ZBTB38: variants seen among roughly 807,000 people sequenced by gnomAD.
ZBTB38 encodes zinc finger and BTB domain containing 38.
ZBTB38 carries 20 observed loss-of-function variants against 76.8 expected under a neutral mutation model. The observed-to-expected ratio is 0.26, with a 90% CI of 0.18 to 0.38. The LOEUF is 0.38. ZBTB38 is among the 10% of genes least tolerant of loss of function. The pLI is 1.00. For missense variants in ZBTB38, 1,082 were observed against 1,482.3 expected, an observed-to-expected ratio of 0.73 and a Z score of 4.43; for synonymous variants, 504 against 544.2, an observed-to-expected ratio of 0.93 and a Z score of 1.03.
At chr3:141,326,184 T>G (rs552723366) in intron 1 of ZBTB38, among the ~76,000 whole-genome samples, 1 of 152,282 alleles carries the variant, frequency 6.6e-6, no homozygotes, top group East Asian at 1.9e-4. Context: ...GACATACTGG[T>G]AGAGAAGAAA....
intron 3 of ZBTB38, among the ~76,000 whole-genome samples, chr3:141,382,504 T>A (rs1263366376): frequency 6.6e-6 from 1 of 152,176 alleles, no homozygotes; most frequent in African/African-American, 2.4e-5. Context: ...TAGACTCCAC[T>A]AGGTTTTAAT....
chr3:141,391,836 G>T (rs1199221441), intron 4 of ZBTB38, among the ~76,000 whole-genome samples: 1 of 152,182 alleles, frequency 6.6e-6, no homozygotes, highest in Non-Finnish European at 1.5e-5. Context: ...CCTCCCATCA[G>T]AGTGAAGTTT....
intron 5 of ZBTB38, among the ~76,000 whole-genome samples, chr3:141,406,583 A>T (rs955484107): frequency 1.3e-5 from 2 of 152,188 alleles, no homozygotes; most frequent in African/African-American, 2.4e-5. Context: ...CTCCACAAGA[A>T]GGCCAGGGCT....
chr3:141,430,656 GAGTGGGGAGCGGCAGTGC>G (rs1208588906), intron 5 of ZBTB38, among the ~76,000 whole-genome samples: 1 of 152,208 alleles, frequency 6.6e-6, no homozygotes, highest in African/African-American at 2.4e-5. Flanking sequence ...GAGGGGCAGG[GAGTGGGGAGCGGCAGTGC>G]AGTGGGGGAG....
In ZBTB38 at chr3:141,443,226, G is replaced by A. The variant is rs1322638045; in HGVS notation, c.838G>A (p.Glu280Lys). ...ACCACAGGATTCGGATTCAGCCACA[G>A]AAAATATACCACCCCCTCCAGTATC... ...SIPQDSDSATENIPPPPVSNL... is the reference protein window; with the variant it reads ...SIPQDSDSATKNIPPPPVSNL... Residue 280 changes from glutamate to lysine, a missense_variant, in exon 6 of 6, where the codon GAA becomes AAA. By Grantham distance (56) the Glu-to-Lys change is moderately conservative. Transcript: ENST00000321464. The surrounding 1 kb of genome is among the most constrained non-coding windows in gnomAD (Gnocchi z 5.6). 15 of 1,614,214 alleles carry A rather than the reference G, an allele frequency of 9.3e-6. No homozygotes were observed. In the East Asian group the frequency reaches 3.3e-4, roughly 36 times the overall value.
At chr3:141,421,373 C>T (rs1186166166) in intron 5 of ZBTB38, among the ~76,000 whole-genome samples, 3 of 151,542 alleles carry the variant, frequency 2.0e-5, no homozygotes, top group Admixed American at 6.6e-5. Flanking sequence ...ACAGTCTTCC[C>T]GCCTCAGCCT....
chr3:141,404,305 C>A (rs1183186530), intron 5 of ZBTB38, among the ~76,000 whole-genome samples: 6 of 152,176 alleles, frequency 3.9e-5, no homozygotes, highest in Non-Finnish European at 8.8e-5. Flanking sequence ...CTTCACAGAT[C>A]TCTAGTTTCC....
chr3:141,355,914 G>T (rs1377467923), intron 1 of ZBTB38, among the ~76,000 whole-genome samples: 1 of 152,174 alleles, frequency 6.6e-6, no homozygotes, highest in Non-Finnish European at 1.5e-5. Context: ...TTCCCCCTGA[G>T]GAAGGAGAGC....
intron 5 of ZBTB38, among the ~76,000 whole-genome samples, chr3:141,428,278 A>G (rs151294779): frequency 2.0e-5 from 3 of 152,312 alleles, no homozygotes; most frequent in African/African-American, 7.2e-5. Flanking sequence ...ACAAGCCTGC[A>G]GTTTGGACTC....
chr3:141,423,486 CT>C (rs1303227675), intron 5 of ZBTB38, among the ~76,000 whole-genome samples: 1 of 152,142 alleles, frequency 6.6e-6, no homozygotes, highest in Non-Finnish European at 1.5e-5. Flanking sequence ...TGCTAATTAA[CT>C]TGTACATGTG....
rs144222867 is a variant in ZBTB38 at position 141,402,154 on chromosome 3, G to C, written c.-105-1773G>C. Reference sequence around the variant, plus strand: ...TGGTGGGGGGCCCCGGCTGGCCACTGGGTCGGGCATGGGGCCTTACGGGGC... The same window carrying C: ...TGGTGGGGGGCCCCGGCTGGCCACTCGGTCGGGCATGGGGCCTTACGGGGC... On this transcript the variant is annotated intron_variant, in intron 4 of 5. Transcript: ENST00000321464. Among the ~76,000 whole-genome samples the C allele has an allele frequency of 6.6e-3, 1,003 of 152,280 alleles. 14 individuals are homozygous for C. Among genetic ancestry groups the C allele is most frequent in the African/African-American group, 0.023 (938 of 41,568 alleles).
intron 1 of ZBTB38, among the ~76,000 whole-genome samples, chr3:141,346,696 C>T (rs974341313): frequency 1.3e-5 from 2 of 152,094 alleles, no homozygotes; most frequent in Non-Finnish European, 2.9e-5. Context: ...GTCCACTCCA[C>T]ATTGCCAGCC....
At position 141,443,704 on chromosome 3, in the gene ZBTB38, G is replaced by A. The variant is rs1436547083; in HGVS notation, c.1316G>A (p.Ser439Asn). ...LSENRIGEFSSTGSTLPDTDH... is the reference protein window; with the variant it reads ...LSENRIGEFSNTGSTLPDTDH... ...GAAAATAGGATTGGTGAATTTTCCA[G>A]TACCGGAAGTACTTTGCCAGACACG... is the stretch of plus-strand genomic sequence containing the variant. The change falls in exon 6 of 6, where the codon AGT (serine) becomes AAT (asparagine). Residue 439 changes from serine to asparagine, a missense_variant. Ser to Asn is a conservative substitution (Grantham distance 46, BLOSUM62 1). Transcript: ENST00000321464. This position sits in a 1 kb window ranked among gnomAD's most constrained non-coding sequence, Gnocchi z 5.6. 4 of 1,613,948 alleles carry A rather than the reference G, an allele frequency of 2.5e-6. No individual in the cohort carries two copies. The highest frequency in any genetic ancestry group is 2.5e-6 in the Non-Finnish European group (3 of 1,180,060).
At position 141,443,608 on chromosome 3, in the gene ZBTB38, G is replaced by A. The variant is rs763454595; in HGVS notation, c.1220G>A (p.Arg407His). 21 of 1,614,064 alleles carry A rather than the reference G, an allele frequency of 1.3e-5. No individual in the cohort carries two copies. In the East Asian group the frequency reaches 2.7e-4, roughly 21 times the overall value. ...SHMPIPGGNQRFLENYPTIGQ... is the reference protein window; with the variant it reads ...SHMPIPGGNQHFLENYPTIGQ... Reference sequence around the variant, plus strand: ...ATGCCCATTCCTGGAGGAAACCAACGCTTTTTAGAAAACTATCCTACCATT... The same window carrying A: ...ATGCCCATTCCTGGAGGAAACCAACACTTTTTAGAAAACTATCCTACCATT... The change falls in exon 6 of 6, where the codon CGC (arginine) becomes CAC (histidine). Residue 407 changes from arginine to histidine, a missense_variant. Arg to His is a conservative substitution (Grantham distance 29). Around this residue, in one of 8 missense-constraint regions of ZBTB38, gnomAD observed 324 missense variants for 359.1 expected, o/e 0.90. Transcript: ENST00000321464. This position sits in a 1 kb window ranked among gnomAD's most constrained non-coding sequence, Gnocchi z 5.6.
upstream of ZBTB38, among the ~76,000 whole-genome samples, chr3:141,365,654 TG>T (rs1271956867): frequency 6.6e-6 from 1 of 152,182 alleles, no homozygotes; most frequent in Non-Finnish European, 1.5e-5. Context: ...TGATTCCATT[TG>T]TAGAAAATGT....
At chr3:141,416,268 T>C (rs2074029076) in intron 5 of ZBTB38, among the ~76,000 whole-genome samples, 1 of 152,224 alleles carries the variant, frequency 6.6e-6, no homozygotes, top group Admixed American at 6.5e-5. Context: ...TAAAAGCCTT[T>C]TCAGCCCTTC....
chr3:141,337,179 G>A (rs1171770105), intron 1 of ZBTB38, among the ~76,000 whole-genome samples: 1 of 152,196 alleles, frequency 6.6e-6, no homozygotes, highest in East Asian at 1.9e-4. Flanking sequence ...CTGCATACAA[G>A]TATAACGGAG....
chr3:141,404,125 C>T (rs1366457729), intron 5 of ZBTB38, 94 bp downstream of exon 5: 1 of 152,164 alleles, frequency 6.6e-6, no homozygotes, highest in Non-Finnish European at 1.5e-5. Flanking sequence ...GACAGCAATC[C>T]ACCAAGTTTT....
chr3:141,335,753 C>T (rs1166890092), intron 1 of ZBTB38, among the ~76,000 whole-genome samples: 3 of 152,256 alleles, frequency 2.0e-5, no homozygotes, highest in Non-Finnish European at 4.4e-5. Context: ...CTATCAATCA[C>T]ATCCGCATGC....
Sources: allele counts gnomAD v4.1 joint callset (sites outside exome capture counted in the v4.1 genomes callset), GRCh38; gene constraint gnomAD v4.1.1; regional missense constraint gnomAD v4.1.1; non-coding constraint Gnocchi (gnomAD v3.1); transcripts MANE v1.5; gene names NCBI Gene and HGNC (gene_info 2026-07-23, HGNC 2026-07-21).